TENM3: variants seen among roughly 807,000 people sequenced by gnomAD.
TENM3 encodes the protein teneurin-3.
In TENM3, 63 loss-of-function variants were observed where a neutral mutation model predicts 255.1. The ratio of observed to expected loss-of-function variants is 0.25; its 90% CI spans 0.20 to 0.30. The LOEUF is 0.30. Among genes scored for constraint, TENM3 ranks in the 10% least tolerant of loss-of-function variants. The pLI is 1.00. For missense variants in TENM3, 2,929 were observed against 3,461.1 expected (o/e 0.85, Z 3.86); for synonymous variants, 1,306 against 1,322.3 (o/e 0.99, Z 0.27).
chr4:181,521,507 C>T, the TENM3 span, among the ~76,000 whole-genome samples: 2 of 152,118 alleles, frequency 1.3e-5, no homozygotes, highest in Admixed American at 6.5e-5. Flanking sequence ...AGAAGTTTCC[C>T]GTTTTGCTTT....
chr4:182,698,193 T>G (rs1230336775), intron 12 of TENM3: 2 of 152,112 alleles, frequency 1.3e-5, no homozygotes, highest in Non-Finnish European at 2.9e-5. Flanking sequence ...ATTTGAAACT[T>G]TAGTAAGTTT....
chr4:181,607,842 T>C, the TENM3 span, among the ~76,000 whole-genome samples: 1 of 152,176 alleles, frequency 6.6e-6, no homozygotes, highest in Non-Finnish European at 1.5e-5. Context: ...TTATAATGAG[T>C]GAAAAATGAC....
chr4:182,766,313 A>G (rs1763713058), intron 22 of TENM3, among the ~76,000 whole-genome samples: 1 of 152,150 alleles, frequency 6.6e-6, no homozygotes, highest in Non-Finnish European at 1.5e-5. Flanking sequence ...TCAAGACCAG[A>G]TAGCTAAACA....
chr4:182,627,725 T>C (rs77605486), intron 4 of TENM3, among the ~76,000 whole-genome samples: 2,222 of 82,642 alleles, frequency 0.027, 40 homozygotes, highest in South Asian at 0.15. Flanking sequence ...AATGGTGCTT[T>C]TTTAAAATTT....
At chr4:181,632,590 G>A in the TENM3 span, among the ~76,000 whole-genome samples, 1 of 152,208 alleles carries the variant, frequency 6.6e-6, no homozygotes, top group Admixed American at 6.5e-5. Flanking sequence ...GAATCTTTTT[G>A]TAGAAGTTAT....
At chr4:181,903,700 A>G in the TENM3 span, among the ~76,000 whole-genome samples, 1 of 152,190 alleles carries the variant, frequency 6.6e-6, no homozygotes, top group African/African-American at 2.4e-5. Flanking sequence ...AAAATACATC[A>G]CCTTGGGAAG....
chr4:181,705,894 G>A, the TENM3 span, among the ~76,000 whole-genome samples: 13 of 152,170 alleles, frequency 8.5e-5, no homozygotes, highest in Non-Finnish European at 4.4e-5. Context: ...ATCGTGTACT[G>A]GTTTCATTTA....
At chr4:181,723,050 C>T in the TENM3 span, among the ~76,000 whole-genome samples, 1 of 151,928 alleles carries the variant, frequency 6.6e-6, no homozygotes. Flanking sequence ...AACACTGACT[C>T]GATAAAATGT....
At chr4:181,591,403 T>A in the TENM3 span, among the ~76,000 whole-genome samples, 2 of 152,214 alleles carry the variant, frequency 1.3e-5, no homozygotes, top group African/African-American at 4.8e-5. Context: ...AAAGCCAGTG[T>A]CCATGCAAAG....
chr4:181,813,805 G>T, the TENM3 span, among the ~76,000 whole-genome samples: 203 of 152,276 alleles, frequency 1.3e-3, 1 homozygote, highest in African/African-American at 4.7e-3. Flanking sequence ...GGAGGTAGAA[G>T]GAGAAAAGGG....
intron 16 of TENM3, among the ~76,000 whole-genome samples, chr4:182,735,020 C>G (rs1761057234): frequency 6.6e-6 from 1 of 152,138 alleles, no homozygotes; most frequent in Non-Finnish European, 1.5e-5. Context: ...GTCACAGAAT[C>G]TATTTTTCAA....
At chr4:182,728,623 C>G (rs771650485) in intron 13 of TENM3, among the ~76,000 whole-genome samples, 3 of 152,178 alleles carry the variant, frequency 2.0e-5, no homozygotes, top group Non-Finnish European at 2.9e-5. Context: ...GCCTACTGCA[C>G]TCCTAGGCTA....
intron 3 of TENM3, among the ~76,000 whole-genome samples, chr4:182,571,283 T>C (rs1204692407): frequency 6.6e-6 from 1 of 152,172 alleles, no homozygotes; most frequent in African/African-American, 2.4e-5. Flanking sequence ...CCCAGCACTT[T>C]GGGAGGCCAA....
chr4:181,722,988 G>C, the TENM3 span, among the ~76,000 whole-genome samples: 85 of 152,106 alleles, frequency 5.6e-4, no homozygotes, highest in African/African-American at 2.0e-3. Context: ...TCTATTTTTG[G>C]CTTCTGAGCT....
intron 6 of TENM3, among the ~76,000 whole-genome samples, chr4:182,655,474 C>CCTGGGTG (rs1248521949): frequency 1.3e-5 from 2 of 152,126 alleles, no homozygotes; most frequent in Non-Finnish European, 2.9e-5. Context: ...ACTCCCACAG[C>CCTGGGTG]CTGGGTGCTG....
At chr4:182,409,048 G>A (rs1190050448) in intron 3 of TENM3, among the ~76,000 whole-genome samples, 3 of 152,228 alleles carry the variant, frequency 2.0e-5, no homozygotes, top group African/African-American at 7.2e-5. Flanking sequence ...CATCCATGCT[G>A]TGGCACTCTG....
At chr4:181,552,095 A>G in the TENM3 span, among the ~76,000 whole-genome samples, 1 of 152,124 alleles carries the variant, frequency 6.6e-6, no homozygotes, top group Non-Finnish European at 1.5e-5. Flanking sequence ...GAACATTAAT[A>G]CATACCTCTA....
intron 2 of TENM3, among the ~76,000 whole-genome samples, chr4:182,341,706 A>G (rs58026557): frequency 0.04 from 6,125 of 152,310 alleles, 289 homozygotes; most frequent in African/African-American, 0.11. Flanking sequence ...TCTATAGGAT[A>G]TAGTTCCAAA....
At chr4:182,758,203 A>G (rs1023493431) in intron 22 of TENM3, among the ~76,000 whole-genome samples, 5 of 152,210 alleles carry the variant, frequency 3.3e-5, no homozygotes, top group Admixed American at 6.5e-5. Context: ...ATTCAGAATC[A>G]TCGTGTCAGA....
Sources: gnomAD v4.1 joint callset for allele counts (sites outside exome capture counted in the v4.1 genomes callset) on GRCh38, gnomAD v4.1.1 for gene constraint, MANE v1.5 for transcripts, NCBI Gene and HGNC (gene_info 2026-07-23, HGNC 2026-07-21) for gene names.